Variants in TCL1B observed in about 807,000 individuals in gnomAD.
The protein encoded by TCL1B is TCL1 family AKT coactivator B, also known as T-cell leukemia/lymphoma protein 1B.
Under a neutral mutation model 16.9 loss-of-function variants are expected in TCL1B, and 14 were observed. The ratio of observed to expected loss-of-function variants is 0.83; its 90% CI spans 0.55 to 1.30. The LOEUF (loss-of-function observed/expected upper bound fraction) is 1.30. TCL1B is among the 50% of genes most tolerant of loss of function. The pLI is 0.00. For synonymous variants in TCL1B, 79 were observed against 66.6 expected (o/e 1.19, Z -0.91); for missense variants, 166 against 165.2 (o/e 1.00, Z -0.03).
At chr14:95,691,533 T>A (rs1885885880) in intron 3 of TCL1B, 197 bp downstream of exon 3, 2 of 540,464 alleles carry the variant, frequency 3.7e-6, no homozygotes, top group Non-Finnish European at 3.3e-6. Context: ...AATAAGTTCC[T>A]AAAGCATGGG....
rs1290108414 is a variant in TCL1B at position 95,687,722 on chromosome 14, A to G, written c.162+1093A>G. On this transcript the variant is annotated intron_variant, in intron 1 of 3. Coordinates refer to ENST00000340722, the MANE Select transcript of TCL1B (RefSeq NM_004918.4). The stretch of plus-strand genomic sequence containing the variant: ...AATCCCAGCACTTTGGGAGGCCGAG[A>G]TGGGCTTATCACGAGATCAGGAGAT... 3.3e-5 allele frequency among the ~76,000 whole-genome samples: 5 copies of G among 151,974 alleles called. No individual in the cohort carries two copies. In the South Asian group the frequency reaches 6.2e-4, roughly 19 times the overall value.
chr14:95,691,397 T>C, intron 3 of TCL1B, 61 bp downstream of exon 3: 1 of 1,519,898 alleles, frequency 6.6e-7, no homozygotes. Flanking sequence ...AGACCTCTCC[T>C]CTTTTCAGAA....
At position 95,691,187 on chromosome 14, in the gene TCL1B, T is replaced by TGCC. The variant is rs10635893; in HGVS notation, c.334-80_334-78dup. ...CTGCCTCACCCCTGCCTGCTGCTGC[T>TGCC]GCCAGCCTGCATGGGCGGCCGTTAA... On this transcript the variant is annotated intron_variant, in intron 2 of 3. Transcript: ENST00000340722. 12,150 of 1,512,940 alleles carry TGCC rather than the reference T, an allele frequency of 8.0e-3. 686 individuals are homozygous for TGCC. In the African/African-American group the frequency reaches 0.13, roughly 16 times the overall value. 93.7% of individuals were successfully genotyped at this position (1,512,940 alleles called of 1,614,324 possible).
At chr14:95,689,252 A>C (rs1424784726) in intron 1 of TCL1B, 2 of 152,024 alleles carry the variant, frequency 1.3e-5, no homozygotes, top group South Asian at 2.1e-4. Flanking sequence ...CAGCCACTGC[A>C]CTCCAGCCTG....
intron 3 of TCL1B, 198 bp downstream of exon 3, chr14:95,691,534 A>G: frequency 1.8e-6 from 1 of 541,460 alleles, no homozygotes; most frequent in Non-Finnish European, 3.3e-6. Context: ...ATAAGTTCCT[A>G]AAGCATGGGA....
intron 1 of TCL1B, among the ~76,000 whole-genome samples, chr14:95,687,718 C>T (rs777846168): frequency 2.0e-5 from 3 of 151,848 alleles, no homozygotes; most frequent in Admixed American, 6.6e-5. Flanking sequence ...TTTGGGAGGC[C>T]GAGATGGGCT....
chr14:95,691,659 G>A (rs1020796352), intron 3 of TCL1B: 8 of 245,688 alleles, frequency 3.3e-5, no homozygotes, highest in Non-Finnish European at 5.6e-5. Context: ...TGACTTCCTC[G>A]AGACCATACA....
At chr14:95,686,709 G>A in intron 1 of TCL1B, 80 bp downstream of exon 1, 1 of 1,466,102 alleles carries the variant, frequency 6.8e-7, no homozygotes, top group Non-Finnish European at 9.1e-7. Context: ...GTGGGGGTCA[G>A]AGGGGGCCGT....
intron 1 of TCL1B, 110 bp from the exon 2 acceptor site, chr14:95,690,626 C>G (rs1227564951): frequency 3.1e-6 from 4 of 1,281,848 alleles, no homozygotes; most frequent in Non-Finnish European, 4.3e-6. Flanking sequence ...GTCTGGAATT[C>G]TGAAAACATT....
chr14:95,687,678 C>T (rs561061276), intron 1 of TCL1B, among the ~76,000 whole-genome samples: 32 of 152,160 alleles, frequency 2.1e-4, no homozygotes, highest in African/African-American at 7.0e-4. Flanking sequence ...TAGGGCTGGG[C>T]GCGGTGGCTC....
chr14:95,691,377 G>A (rs1020094840), intron 3 of TCL1B, 41 bp downstream of exon 3: 46 of 1,579,400 alleles, frequency 2.9e-5, no homozygotes, highest in African/African-American at 9.5e-5. Flanking sequence ...GGGATCAGAC[G>A]AAAGTGAGAA....
rs1271095471 is a variant in TCL1B, at chr14:95,686,480, G to T, written c.13G>T (p.Ala5Ser). MASE[A>S]SVRLGVPPGR... is the part of the protein sequence containing the mutation. ...TTGCAGACTTGCCATGGCCTCCGAA[G>T]CTTCTGTGCGTCTAGGGGTGCCCCC... is the stretch of plus-strand genomic sequence containing the variant. The change falls in exon 1 of 4, where the codon GCT (alanine) becomes TCT (serine). Residue 5 changes from alanine to serine, a missense_variant. Coordinates refer to ENST00000340722, the MANE Select transcript of TCL1B (RefSeq NM_004918.4). The T allele has an allele frequency of 1.2e-6, 2 of 1,600,356 alleles. No homozygotes were observed. Among genetic ancestry groups the T allele is most frequent in the Non-Finnish European group, 1.7e-6 (2 of 1,173,482 alleles).
intron 3 of TCL1B, 70 bp from the exon 4 acceptor site, chr14:95,691,860 AC>A (rs1433191028): frequency 6.5e-6 from 1 of 152,922 alleles, no homozygotes; most frequent in Non-Finnish European, 1.5e-5. Flanking sequence ...CTTGCCTTTG[AC>A]CCCAGCAGCT....
In TCL1B at chr14:95,691,392, TCTC is replaced by T. The variant is rs2139706394; in HGVS notation, c.*15+60_*15+62del. 3 of 1,522,996 alleles carry T rather than the reference TCTC, an allele frequency of 2.0e-6. No homozygotes were observed. In the East Asian group the frequency reaches 6.8e-5, roughly 35 times the overall value. 94.3% of individuals were successfully genotyped at this position (1,522,996 alleles called of 1,614,324 possible). ...GGGATCAGACGAAAGTGAGAAGACCTCTCCTCTTTTCAGAAAGACGGCGTGGCC... is the reference window on the plus strand; with the variant it reads ...GGGATCAGACGAAAGTGAGAAGACCTCTCTTTTCAGAAAGACGGCGTGGCC... On this transcript the variant is annotated intron_variant, in intron 3 of 3. Transcript: ENST00000340722.
chr14:95,688,395 A>G (rs1329816056), intron 1 of TCL1B: 1 of 152,232 alleles, frequency 6.6e-6, no homozygotes, highest in East Asian at 1.9e-4. Flanking sequence ...GCTTTTCTGT[A>G]CATACACTAA....
At chr14:95,688,406 A>G (rs1353668086) in intron 1 of TCL1B, 1 of 152,244 alleles carries the variant, frequency 6.6e-6, no homozygotes, top group African/African-American at 2.4e-5. Context: ...CATACACTAA[A>G]TAAAGCATGC....
At chr14:95,691,240 G>C in intron 2 of TCL1B, 28 bp from the exon 3 acceptor site, 1 of 1,610,832 alleles carries the variant, frequency 6.2e-7, no homozygotes, top group Middle Eastern at 1.7e-4. Context: ...TCTCCCAGAG[G>C]TTCTGATGGC....
At position 95,690,723 on chromosome 14, in the gene TCL1B, C is replaced by G; in HGVS notation, c.163-13C>G. 6.3e-7 allele frequency: 1 copy of G among 1,599,148 alleles called. No individual in the cohort carries two copies. Among genetic ancestry groups the G allele is most frequent in the Non-Finnish European group, 8.6e-7 (1 of 1,167,846 alleles). ...CTATCCATGATTTGCCGCCTCTTTTCTGGTCCCTTCAGTATGAACCCAGCA... is the reference window on the plus strand; with the variant it reads ...CTATCCATGATTTGCCGCCTCTTTTGTGGTCCCTTCAGTATGAACCCAGCA... On this transcript the variant is annotated splice_polypyrimidine_tract_variant and intron_variant, in intron 1 of 3. Coordinates refer to ENST00000340722, the MANE Select transcript of TCL1B (RefSeq NM_004918.4).
intron 1 of TCL1B, among the ~76,000 whole-genome samples, chr14:95,690,127 C>A (rs188352939): frequency 1.3e-5 from 2 of 152,294 alleles, no homozygotes; most frequent in Admixed American, 1.3e-4. Flanking sequence ...CTTAGCTTCC[C>A]GAGTAGCTGG....
Sources: allele counts gnomAD v4.1 joint callset (sites outside exome capture counted in the v4.1 genomes callset), GRCh38; gene constraint gnomAD v4.1.1; transcripts MANE v1.5; gene names NCBI Gene and HGNC (gene_info 2026-07-23, HGNC 2026-07-21).